The following MUC5B variants were observed in gnomAD, a reference collection of about 807,000 sequenced individuals.
The protein encoded by MUC5B is mucin 5B, oligomeric mucus/gel-forming, also known as mucin-5B.
In MUC5B, 116 loss-of-function variants were observed where a neutral mutation model predicts 376.9. The observed-to-expected ratio is 0.31, with a 90% CI of 0.26 to 0.36. MUC5B has a LOEUF of 0.36. MUC5B is among the 10% of genes least tolerant of loss of function. The pLI, the probability that MUC5B is intolerant of heterozygous loss-of-function variation, is 1.00. For synonymous variants in MUC5B, 3,517 were observed against 3,390.9 expected, an observed-to-expected ratio of 1.04 and a Z score of -1.29; for missense variants, 7,165 against 7,769.9, an observed-to-expected ratio of 0.92 and a Z score of 2.93.
rs1862041819 is a variant in MUC5B, at chr11:1,232,135, C to A, written c.1818C>A (p.Asp606Glu). The change falls in exon 15 of 49, where the codon GAC becomes GAA. Residue 606 changes from aspartate (D) to glutamate (E), a missense_variant. By Grantham distance (45) the Asp-to-Glu change is conservative (BLOSUM62 2). Around this residue, in one of 31 missense-constraint regions of MUC5B, gnomAD observed 530 missense variants for 604.0 expected, o/e 0.88. Transcript: ENST00000529681. Reference protein sequence around the residue: ...ACANARNSFEDPCSLSVENEN... With the variant: ...ACANARNSFEEPCSLSVENEN... ...CCAATGCCAGGAACAGCTTTGAGGA[C>A]CCCTGCTCCCTCAGTGTGGAGAATG... is the stretch of plus-strand genomic sequence containing the variant. The A allele has an allele frequency of 6.2e-7, 1 of 1,610,074 alleles. No individual in the cohort carries two copies. Among genetic ancestry groups the A allele is most frequent in the African/African-American group, 1.3e-5 (1 of 74,880 alleles).
rs2133854293 is a variant in MUC5B, at chr11:1,258,659, C to G, written c.16594-283C>G. Reference sequence around the variant, plus strand: ...GGTCCCCGCCTGCCCGCCCAGATTCCTACCCGCCCGGATTCCTGCCTGCCA... The same window carrying G: ...GGTCCCCGCCTGCCCGCCCAGATTCGTACCCGCCCGGATTCCTGCCTGCCA... On this transcript the variant is annotated intron_variant, in intron 43 of 48. Transcript: ENST00000529681. The surrounding 1 kb of genome is among the most constrained non-coding windows in gnomAD (Gnocchi z 5.5). 6.6e-6 allele frequency among the ~76,000 whole-genome samples: 1 copy of G among 152,220 alleles called. No homozygotes were observed. The highest frequency in any genetic ancestry group is 2.4e-5 in the African/African-American group (1 of 41,510).
At position 1,240,368 on chromosome 11, in the gene MUC5B, CACG is replaced by C. The variant is rs761658034; in HGVS notation, c.3966_3968del (p.Thr1323del). The C allele has an allele frequency of 1.3e-6, 2 of 1,597,024 alleles. No homozygotes were observed. Among genetic ancestry groups the C allele is most frequent in the Non-Finnish European group, 1.7e-6 (2 of 1,168,544 alleles). ...TCACCACCGCCTGGGTCCCCCACTC[CACG>C]ACAAGTAAGCCCTGCCTGGCTCTCC... On this transcript the variant is annotated inframe_deletion, in exon 30 of 49. Coordinates refer to ENST00000529681, the MANE Select transcript of MUC5B (RefSeq NM_002458.3).
At chr11:1,225,824 G>A (rs1861867919) in intron 2 of MUC5B, 87 bp downstream of exon 2, 1 of 1,292,406 alleles carries the variant, frequency 7.7e-7, no homozygotes, top group East Asian at 2.5e-5. Context: ...GCCTCTCCAA[G>A]CAGCCATGCG....
At position 1,258,236 on chromosome 11, in the gene MUC5B, C is replaced by T. The variant is rs1269165701; in HGVS notation, c.16555+33C>T. 1 of 1,572,402 alleles carries T rather than the reference C, an allele frequency of 6.4e-7. No individual in the cohort carries two copies. Among genetic ancestry groups the T allele is most frequent in the South Asian group, 1.2e-5 (1 of 86,386 alleles). On this transcript the variant is annotated intron_variant, in intron 42 of 48. Transcript: ENST00000529681. This position sits in a 1 kb window ranked among gnomAD's most constrained non-coding sequence, Gnocchi z 5.5. ...GGGCTGGGGCCGGGCTCCTGGGTGG[C>T]CTCTTGCTGGGGGTGGGGGAGTGCA...
Position 1,247,893 on chromosome 11 carries a change from C to A in MUC5B, c.11013C>A (p.Cys3671Ter). The part of the protein sequence containing the change: ...IRVFCCNYGH[C>*]PSTPATSSTA... Reference sequence around the variant, plus strand: ...TGTTCTGCTGCAACTACGGCCACTGCCCCAGCACCCCGGCCACCAGCTCTA... The same window carrying A: ...TGTTCTGCTGCAACTACGGCCACTGACCCAGCACCCCGGCCACCAGCTCTA... The change falls in exon 31 of 49, where the codon TGC (cysteine) becomes TGA (stop). Residue 3671 changes from cysteine to a stop codon, truncating the protein, a stop_gained. Transcript: ENST00000529681. LOFTEE classifies it high-confidence loss of function. The A allele has an allele frequency of 6.2e-7, 1 of 1,611,344 alleles. No homozygotes were observed. The highest frequency in any genetic ancestry group is 8.5e-7 in the Non-Finnish European group (1 of 1,178,928).
chr11:1,248,849 T>C lies in MUC5B; in HGVS notation c.11969T>C (p.Val3990Ala), dbSNP rs1564946979. 3.9e-6 allele frequency: 6 copies of C among 1,545,406 alleles called. No homozygotes were observed. The highest frequency in any genetic ancestry group is 5.2e-6 in the Non-Finnish European group (6 of 1,145,044). The change falls in exon 31 of 49, where the codon GTG (valine) becomes GCG (alanine). Residue 3990 changes from valine (V) to alanine (A), a missense_variant. By Grantham distance (64) the Val-to-Ala change is moderately conservative. Transcript: ENST00000529681. ...ACACCTGCAGCCACCAGCAGCACAG[T>C]GACTCCCTCCTCTGCCCTAGGGACC... ...ATTPAATSST[V>A]TPSSALGTTH...
Position 1,242,100 on chromosome 11 carries a change from G to A in MUC5B, c.5220G>A (p.Pro1740=), listed in dbSNP as rs1027621335. The A allele has an allele frequency of 1.4e-5, 22 of 1,612,604 alleles. No individual in the cohort carries two copies. Among genetic ancestry groups the A allele is most frequent in the South Asian group, 2.2e-5 (2 of 90,964 alleles). ...CAGCCAGCACCGCTTCCAAAGAGCC[G>A]CTGACCACGAGCCTGGCGCCAACAC... The part of the protein sequence containing the change: ...TGTASTASKE[P]LTTSLAPTLT... Residue 1740 remains proline, a synonymous_variant, in exon 31 of 49, where the codon CCG becomes CCA. Transcript: ENST00000529681.
chr11:1,228,894 T>C lies in MUC5B; in HGVS notation c.976+129T>C, dbSNP rs570162917. 174 of 902,702 alleles carry C rather than the reference T, an allele frequency of 1.9e-4. 1 individual carries two copies. The South Asian group carries it at 3.4e-3, about 17-fold the overall frequency. 55.9% of individuals were successfully genotyped at this position (902,702 alleles called of 1,614,324 possible). ...GAGGGCAGAGGACCCACCCCAGGCA[T>C]AGTGGGCAGAGGCCACCCCAGGACC... On this transcript the variant is annotated intron_variant, in intron 8 of 48. Transcript: ENST00000529681.
Position 1,250,889 on chromosome 11 carries a change from G to A in MUC5B, c.14009G>A (p.Ser4670Asn). 2 of 1,587,692 alleles carry A rather than the reference G, an allele frequency of 1.3e-6. No individual in the cohort carries two copies. The highest frequency in any genetic ancestry group is 1.4e-5 in the African/African-American group (1 of 73,526). ...ATGSMATPSS[S>N]TQTSGTPPSL... ...GGTTCTATGGCAACACCCTCCTCTA[G>A]CACACAGACCAGTGGTACTCCCCCA... Residue 4670 changes from serine (S) to asparagine (N), a missense_variant, in exon 31 of 49, where the codon AGC becomes AAC. By Grantham distance (46) the Ser-to-Asn change is conservative (BLOSUM62 1). This residue lies in a region of MUC5B where 730 missense variants were observed against 592.7 expected (regional missense o/e 1.23). Transcript: ENST00000529681.
rs1358669724 is a variant in MUC5B, at chr11:1,226,900, G to A, written c.461+24G>A. 4 of 1,600,558 alleles carry A rather than the reference G, an allele frequency of 2.5e-6. No individual in the cohort carries two copies. The South Asian group carries it at 4.4e-5, about 18-fold the overall frequency. The stretch of plus-strand genomic sequence containing the variant: ...CGGTGAGCCGGCCACCCTGGGGAGG[G>A]GCGAGGGCCGGGCCACACAGTGTGA... On this transcript the variant is annotated intron_variant, in intron 4 of 48. Coordinates refer to ENST00000529681, the MANE Select transcript of MUC5B (RefSeq NM_002458.3).
In MUC5B at chr11:1,256,674, C is replaced by G; in HGVS notation, c.16140C>G (p.Asn5380Lys). ...GGCCTCTCTTGTCATCCTGCAGGAACCAGAGCCCACAGCTGGAGGGGATGG... is the reference window on the plus strand; with the variant it reads ...GGCCTCTCTTGTCATCCTGCAGGAAGCAGAGCCCACAGCTGGAGGGGATGG... ...PIQPATCNSR[N>K]QSPQLEGMAE... Residue 5380 changes from asparagine to lysine, a missense_variant, in exon 39 of 49, where the codon AAC becomes AAG. Asn to Lys is a moderately conservative substitution (Grantham distance 94). This residue lies in a region of MUC5B where 842 missense variants were observed against 1,016.9 expected (regional missense o/e 0.83). Transcript: ENST00000529681. 1 of 1,562,622 alleles carries G rather than the reference C, an allele frequency of 6.4e-7. No individual in the cohort carries two copies.
In MUC5B at chr11:1,251,005, C is replaced by G. The variant is rs563698915; in HGVS notation, c.14125C>G (p.Leu4709Val). The G allele has an allele frequency of 1.9e-6, 3 of 1,609,116 alleles. No homozygotes were observed. Among genetic ancestry groups the G allele is most frequent in the Non-Finnish European group, 2.5e-6 (3 of 1,176,910 alleles). Residue 4709 changes from leucine to valine, a missense_variant, in exon 31 of 49, where the codon CTG (leucine) becomes GTG (valine). Physicochemically the swap from Leu to Val is conservative, Grantham distance 32. Transcript: ENST00000529681. ...AGGGACAACACCCATCACCCCAGTG[C>G]TGACCAGCACGGCCACCACACCCGC... ...TPGTTPITPV[L>V]TSTATTPAAT...
In MUC5B at chr11:1,250,447, A is replaced by T. The variant is rs1347384538; in HGVS notation, c.13567A>T (p.Thr4523Ser). The T allele has an allele frequency of 6.3e-7, 1 of 1,593,588 alleles. No homozygotes were observed. The highest frequency in any genetic ancestry group is 8.6e-7 in the Non-Finnish European group (1 of 1,163,268). The change falls in exon 31 of 49, where the codon ACA (threonine) becomes TCA (serine). Residue 4523 changes from threonine to serine, a missense_variant. Physicochemically the swap from Thr to Ser is moderately conservative, Grantham distance 58 (BLOSUM62 1). Around this residue, in one of 31 missense-constraint regions of MUC5B, gnomAD observed 431 missense variants for 390.4 expected, o/e 1.10. Transcript: ENST00000529681. ...CACCACACCCACAGCTACCAGCTTTACAGCCATCCCCTCCTCCTCCCTGGG... is the reference window on the plus strand; with the variant it reads ...CACCACACCCACAGCTACCAGCTTTTCAGCCATCCCCTCCTCCTCCCTGGG... ...TATTPTATSF[T>S]AIPSSSLGTT...
rs909414764 is a variant in MUC5B, at chr11:1,260,031, A to T, written c.16869A>T (p.Gly5623=). The T allele has an allele frequency of 6.2e-7, 1 of 1,612,762 alleles. No homozygotes were observed. Among genetic ancestry groups the T allele is most frequent in the Non-Finnish European group, 8.5e-7 (1 of 1,179,758 alleles). Residue 5623 remains glycine, a synonymous_variant, in exon 46 of 49, where the codon GGA becomes GGT. Transcript: ENST00000529681. ...CTVYLCEAEG[G]VHLLTPQPAS... is the part of the protein sequence containing the mutation. The stretch of plus-strand genomic sequence containing the variant: ...TGTACCTCTGTGAGGCTGAGGGTGG[A>T]GTCCATTTGCTGACCCCACAGCCTG...
Position 1,244,767 on chromosome 11 carries a change from G to C in MUC5B, c.7887G>C (p.Thr2629=), listed in dbSNP as rs551355085. ...TPSSSPGTAR[T]LPVWISTTTT... is the part of the protein sequence containing the mutation. The stretch of plus-strand genomic sequence containing the variant: ...CCTCCAGCCCAGGGACGGCACGCAC[G>C]CTTCCAGTGTGGATCAGCACAACCA... The change falls in exon 31 of 49, where the codon ACG becomes ACC. Residue 2629 remains threonine, a synonymous_variant. Coordinates refer to ENST00000529681, the MANE Select transcript of MUC5B (RefSeq NM_002458.3). 1 of 1,608,650 alleles carries C rather than the reference G, an allele frequency of 6.2e-7. No individual in the cohort carries two copies. Among genetic ancestry groups the C allele is most frequent in the South Asian group, 1.1e-5 (1 of 90,890 alleles).
intron 31 of MUC5B, 22 bp downstream of exon 31, chr11:1,251,765 T>C: frequency 6.7e-7 from 1 of 1,493,042 alleles, no homozygotes; most frequent in South Asian, 1.2e-5. Flanking sequence ...TGGATAACAC[T>C]GCTGTACCCT....
intron 13 of MUC5B, 79 bp from the exon 14 acceptor site, chr11:1,231,344 C>A: frequency 6.7e-7 from 1 of 1,488,106 alleles, no homozygotes; most frequent in South Asian, 1.3e-5. Flanking sequence ...TGGCCCGGCC[C>A]ACTGGATGCC....
chr11:1,240,840 G>C lies in MUC5B; in HGVS notation c.3971-11G>C. ...TGCTGAGCCAGGACCCCTTTCCCAT[G>C]CCCCTTGCAGGCCCGGCCCTCCCGG... On this transcript the variant is annotated splice_polypyrimidine_tract_variant and intron_variant, in intron 30 of 48. Coordinates refer to ENST00000529681, the MANE Select transcript of MUC5B (RefSeq NM_002458.3). 6.3e-7 allele frequency: 1 copy of C among 1,598,842 alleles called. No individual in the cohort carries two copies. The highest frequency in any genetic ancestry group is 8.5e-7 in the Non-Finnish European group (1 of 1,173,044).
In MUC5B at chr11:1,245,408, C is replaced by T. The variant is rs1217154073; in HGVS notation, c.8528C>T (p.Ala2843Val). Residue 2843 changes from alanine (A) to valine (V), a missense_variant, in exon 31 of 49, where the codon GCC becomes GTC. By Grantham distance (64) the Ala-to-Val change is moderately conservative. Coordinates refer to ENST00000529681, the MANE Select transcript of MUC5B (RefSeq NM_002458.3). ...TRATSRTTAT[A>V]TPSKTRTSTL... ...GCCACCTCCAGGACCACGGCCACGG[C>T]CACACCCAGCAAGACCCGCACCTCG... The T allele has an allele frequency of 3.8e-6, 6 of 1,562,212 alleles. 1 individual carries two copies. The highest frequency in any genetic ancestry group is 5.2e-6 in the Non-Finnish European group (6 of 1,151,832).
Sources: gnomAD v4.1 joint callset for allele counts (sites outside exome capture counted in the v4.1 genomes callset) on GRCh38, gnomAD v4.1.1 for gene constraint, gnomAD v4.1.1 regional missense constraint, Gnocchi (gnomAD v3.1) non-coding constraint, MANE v1.5 for transcripts, NCBI Gene and HGNC (gene_info 2026-07-23, HGNC 2026-07-21) for gene names.